TEX51: variants seen among roughly 807,000 people sequenced by gnomAD.
The protein encoded by TEX51 is testis expressed 51.
In TEX51, 14 loss-of-function variants were observed where a neutral mutation model predicts 8.0. That is an observed-to-expected ratio of 1.76 (90% CI 1.16 to 2.75). TEX51 has a LOEUF of 2.75. Ranked by LOEUF, TEX51 falls within the 30% of genes most tolerant of loss-of-function variation. The pLI is 0.00. For synonymous variants in TEX51, 58 were observed against 28.6 expected (o/e 2.03, Z -3.29); for missense variants, 142 against 77.4 (o/e 1.83, Z -3.13).
chr2:126,901,251 A>G lies in TEX51; in HGVS notation c.436A>G (p.Ser146Gly), dbSNP rs1422021273. 2.9e-6 allele frequency: 2 copies of G among 693,966 alleles called. No homozygotes were observed. Among genetic ancestry groups the G allele is most frequent in the East Asian group, 2.7e-5 (1 of 37,146 alleles). The allele number at this position is 693,966 out of a possible 1,614,324, so 43.0% of individuals were successfully genotyped here. A position where few individuals can be genotyped will look rare whatever the true frequency, so the allele number is the denominator to read the frequency against. Residue 146 changes from serine (S) to glycine (G), a missense_variant, in exon 5 of 7, where the codon AGT becomes GGT. Transcript: ENST00000568484. ...RTSLWAVSLSSALLLAIAGDV... is the reference protein window; with the variant it reads ...RTSLWAVSLSGALLLAIAGDV... ...CTCCCTGTGGGCTGTGAGTCTCAGCAGTGCTCTACTCCTGGCCATAGCTGG... is the reference window on the plus strand; with the variant it reads ...CTCCCTGTGGGCTGTGAGTCTCAGCGGTGCTCTACTCCTGGCCATAGCTGG...
intron 4 of TEX51, among the ~76,000 whole-genome samples, chr2:126,900,794 G>A (rs1476391825): frequency 2.0e-5 from 3 of 152,162 alleles, no homozygotes; most frequent in Non-Finnish European, 2.9e-5. Flanking sequence ...CTCCTCGGGA[G>A]CCCCCTACTC....
Position 126,900,012 on chromosome 2 carries a change from C to T in TEX51, c.387C>T (p.Phe129=). ...THFLSCNDPT[F]CPARNRRTSL... is the part of the protein sequence containing the mutation. Reference sequence around the variant, plus strand: ...TCCTCTCCTGCAATGACCCCACTTTCTGCCCAGGTCAGTGGCCACCACCCT... The same window carrying T: ...TCCTCTCCTGCAATGACCCCACTTTTTGCCCAGGTCAGTGGCCACCACCCT... The change falls in exon 4 of 7, where the codon TTC becomes TTT. Residue 129 remains phenylalanine (F), a synonymous_variant. Transcript: ENST00000568484. The T allele has an allele frequency of 1.4e-6, 1 of 700,860 alleles. No individual in the cohort carries two copies. Among genetic ancestry groups the T allele is most frequent in the Non-Finnish European group, 2.6e-6 (1 of 384,806 alleles). The allele number at this position is 700,860 out of a possible 1,614,324, so 43.4% of individuals were successfully genotyped here.
In TEX51 at chr2:126,899,584, T is replaced by G. The variant is rs1164416556; in HGVS notation, c.282T>G (p.Asn94Lys). The change falls in exon 3 of 7, where the codon AAT becomes AAG. Residue 94 changes from asparagine (N) to lysine (K), a missense_variant. Physicochemically the swap from Asn to Lys is moderately conservative, Grantham distance 94 (BLOSUM62 0). Transcript: ENST00000568484. ...AGAATCTCTTTACTGAGAGGCTGAA[T>G]AAGATATCTGATGGGCTGAAGGAGA... ...THKNLFTERLNKISDGLKEKD... is the reference protein window; with the variant it reads ...THKNLFTERLKKISDGLKEKD... The G allele has an allele frequency of 1.4e-6, 1 of 702,178 alleles. No individual in the cohort carries two copies. The highest frequency in any genetic ancestry group is 1.5e-5 in the South Asian group (1 of 67,582). 43.5% of individuals were successfully genotyped at this position (702,178 alleles called of 1,614,324 possible). A position where few individuals can be genotyped will look rare whatever the true frequency, so the allele number is the denominator to read the frequency against.
At chr2:126,901,602 G>A (rs1440450304) in intron 6 of TEX51, 198 bp downstream of exon 6, 2 of 599,634 alleles carry the variant, frequency 3.3e-6, no homozygotes, top group Admixed American at 5.9e-5. Context: ...TGGGGCCAGG[G>A]GCCCAGGACA....
chr2:126,899,735 A>G (rs1449843351), intron 3 of TEX51, 123 bp downstream of exon 3: 1 of 699,826 alleles, frequency 1.4e-6, no homozygotes, highest in Non-Finnish European at 2.6e-6. Flanking sequence ...CTCTCCATGA[A>G]TGCCTTCCCG....
At position 126,901,242 on chromosome 2, in the gene TEX51, A is replaced by G; in HGVS notation, c.427A>G (p.Ser143Gly). The G allele has an allele frequency of 1.5e-6, 1 of 686,138 alleles. No individual in the cohort carries two copies. The highest frequency in any genetic ancestry group is 2.7e-6 in the Non-Finnish European group (1 of 374,066). The allele number at this position is 686,138 out of a possible 1,614,324, so 42.5% of individuals were successfully genotyped here. ...CCGGCGGACCTCCCTGTGGGCTGTG[A>G]GTCTCAGCAGTGCTCTACTCCTGGC... ...RNRRTSLWAV[S>G]LSSALLLAIA... The change falls in exon 5 of 7, where the codon AGT (serine) becomes GGT (glycine). Residue 143 changes from serine (S) to glycine (G), a missense_variant. Transcript: ENST00000568484.
rs934360830 is a variant in TEX51, at chr2:126,901,973, T to A, written c.*104T>A. 6 of 639,446 alleles carry A rather than the reference T, an allele frequency of 9.4e-6. No homozygotes were observed. Among genetic ancestry groups the A allele is most frequent in the Non-Finnish European group, 1.4e-5 (5 of 354,164 alleles). The allele number at this position is 639,446 out of a possible 1,614,324, so 39.6% of individuals were successfully genotyped here. On this transcript the variant is annotated 3_prime_UTR_variant, in exon 7 of 7. Transcript: ENST00000568484. ...GGGTCCCGGTGACCCCATCCCCCCATACCCTCCATCCTGGGTCCTGGGGCC... is the reference window on the plus strand; with the variant it reads ...GGGTCCCGGTGACCCCATCCCCCCAAACCCTCCATCCTGGGTCCTGGGGCC...
Position 126,901,248 on chromosome 2 carries a change from A to G in TEX51, c.433A>G (p.Ser145Gly). 1.4e-6 allele frequency: 1 copy of G among 692,876 alleles called. No individual in the cohort carries two copies. Among genetic ancestry groups the G allele is most frequent in the South Asian group, 1.5e-5 (1 of 66,402 alleles). The allele number at this position is 692,876 out of a possible 1,614,324, so 42.9% of individuals were successfully genotyped here. Residue 145 changes from serine (S) to glycine (G), a missense_variant, in exon 5 of 7, where the codon AGC becomes GGC. By Grantham distance (56) the Ser-to-Gly change is moderately conservative. Transcript: ENST00000568484. ...GACCTCCCTGTGGGCTGTGAGTCTC[A>G]GCAGTGCTCTACTCCTGGCCATAGC... is the stretch of plus-strand genomic sequence containing the variant. ...RRTSLWAVSLSSALLLAIAGD... is the reference protein window; with the variant it reads ...RRTSLWAVSLGSALLLAIAGD...
chr2:126,900,165 T>G lies in TEX51; in HGVS notation c.394+146T>G, dbSNP rs192702196. 271 of 642,530 alleles carry G rather than the reference T, an allele frequency of 4.2e-4. 5 individuals carry two copies. The East Asian group carries it at 7.3e-3, about 17-fold the overall frequency. 39.8% of individuals were successfully genotyped at this position (642,530 alleles called of 1,614,324 possible). On this transcript the variant is annotated intron_variant, in intron 4 of 6. Coordinates refer to ENST00000568484, the MANE Select transcript of TEX51 (RefSeq NM_001322244.2). ...GGGTGAAGGCAGCACCTTCTGGGAT[T>G]TCTTGATGTCCTCATGTCAAGCTCC...
intron 4 of TEX51, 57 bp downstream of exon 4, chr2:126,900,076 C>T: frequency 1.4e-6 from 1 of 698,534 alleles, no homozygotes; most frequent in Non-Finnish European, 2.6e-6. Context: ...TTTCTGGAGC[C>T]ATTGCTGTCT....
intron 4 of TEX51, among the ~76,000 whole-genome samples, chr2:126,900,896 C>T (rs964284228): frequency 1.3e-5 from 2 of 152,144 alleles, no homozygotes; most frequent in African/African-American, 4.8e-5. Context: ...TGAACTGATC[C>T]CTTATTTGTG....
intron 4 of TEX51, 101 bp from the exon 5 acceptor site, chr2:126,901,104 CATCAT>C (rs1379140407): frequency 4.5e-5 from 27 of 595,348 alleles, no homozygotes; most frequent in Admixed American, 2.7e-4. Context: ...TTTGCAAACA[CATCAT>C]GAGTGAACGA....
chr2:126,901,108 A>G (rs1680305340), intron 4 of TEX51, 102 bp from the exon 5 acceptor site: 3 of 595,644 alleles, frequency 5.0e-6, no homozygotes, highest in South Asian at 4.0e-5. Flanking sequence ...CAAACACATC[A>G]TGAGTGAACG....
chr2:126,901,109 T>G, intron 4 of TEX51, 101 bp from the exon 5 acceptor site: 1 of 596,884 alleles, frequency 1.7e-6, no homozygotes, highest in East Asian at 2.8e-5. Flanking sequence ...AAACACATCA[T>G]GAGTGAACGA....
chr2:126,902,052 C>A lies in TEX51; in HGVS notation c.*183C>A. On this transcript the variant is annotated 3_prime_UTR_variant, in exon 7 of 7. Coordinates refer to ENST00000568484, the MANE Select transcript of TEX51 (RefSeq NM_001322244.2). ...CTGTCTCGTGGTTTGCCTACTCCTACACCTTTGTAAAGAGTCTCTTCATTA... is the reference window on the plus strand; with the variant it reads ...CTGTCTCGTGGTTTGCCTACTCCTAAACCTTTGTAAAGAGTCTCTTCATTA... The A allele has an allele frequency of 2.1e-6, 1 of 482,952 alleles. No individual in the cohort carries two copies. The allele number at this position is 482,952 out of a possible 1,614,324, so 29.9% of individuals were successfully genotyped here.
intron 6 of TEX51, 94 bp from the exon 7 acceptor site, chr2:126,901,778 G>A: frequency 1.7e-6 from 1 of 571,644 alleles, no homozygotes; most frequent in South Asian, 2.2e-5. Context: ...GGTTTGGCCA[G>A]GGGAGACTCC....
At position 126,899,960 on chromosome 2, in the gene TEX51, C is replaced by G. The variant is rs1680239177; in HGVS notation, c.335C>G (p.Thr112Ser). 1 of 701,820 alleles carries G rather than the reference C, an allele frequency of 1.4e-6. No homozygotes were observed. Among genetic ancestry groups the G allele is most frequent in the Non-Finnish European group, 2.6e-6 (1 of 384,806 alleles). 43.5% of individuals were successfully genotyped at this position (701,820 alleles called of 1,614,324 possible). ...EKDIQSTLKV[T>S]SCADCRTHFL... ...GACATACAGTCCACACTGAAGGTCACCAGCTGTGCTGACTGCAGGACTCAC... is the reference window on the plus strand; with the variant it reads ...GACATACAGTCCACACTGAAGGTCAGCAGCTGTGCTGACTGCAGGACTCAC... Residue 112 changes from threonine to serine, a missense_variant, in exon 4 of 7, where the codon ACC (threonine) becomes AGC (serine). Coordinates refer to ENST00000568484, the MANE Select transcript of TEX51 (RefSeq NM_001322244.2).
In TEX51 at chr2:126,899,390, C is replaced by T. The variant is rs1356700267; in HGVS notation, c.220+99C>T. 3.2e-5 allele frequency: 22 copies of T among 689,846 alleles called. No individual in the cohort carries two copies. The East Asian group carries it at 5.7e-4, about 18-fold the overall frequency. 42.7% of individuals were successfully genotyped at this position (689,846 alleles called of 1,614,324 possible). ...GCCCATGTGGCCATGGGTGGGAGGT[C>T]TTGTGAAGGTGGGAGATGAATGCAG... On this transcript the variant is annotated intron_variant, in intron 2 of 6. Transcript: ENST00000568484.
intron 4 of TEX51, 64 bp downstream of exon 4, chr2:126,900,083 G>T (rs867223831): frequency 2.9e-5 from 20 of 697,656 alleles, no homozygotes; most frequent in African/African-American, 2.5e-4. Flanking sequence ...AGCCATTGCT[G>T]TCTCTGTCAT....
Sources: gnomAD v4.1 joint callset for allele counts (sites outside exome capture counted in the v4.1 genomes callset) on GRCh38, gnomAD v4.1.1 for gene constraint, MANE v1.5 for transcripts, NCBI Gene and HGNC (gene_info 2026-07-23, HGNC 2026-07-21) for gene names.